HAUS6: variants seen among roughly 807,000 people sequenced by gnomAD.
HAUS6 encodes the protein HAUS augmin like complex subunit 6.
HAUS6 carries 80 observed loss-of-function variants against 106.8 expected under a neutral mutation model. The ratio of observed to expected loss-of-function variants is 0.75; its 90% CI spans 0.63 to 0.90. The LOEUF (loss-of-function observed/expected upper bound fraction) is 0.90, where lower values mean the gene tolerates loss of function less well. Ranked by LOEUF, HAUS6 falls within the 40% of genes least tolerant of loss-of-function variation. HAUS6 has a pLI of 0.00. For synonymous variants in HAUS6, 356 were observed against 379.1 expected (o/e 0.94, Z 0.71); for missense variants, 1,155 against 1,118.1 (o/e 1.03, Z -0.47).
rs1349806933 is a variant in HAUS6 at position 19,060,169 on chromosome 9, T to G, written c.1684A>C (p.Lys562Gln). 1 of 1,595,364 alleles carries G rather than the reference T, an allele frequency of 6.3e-7. No homozygotes were observed. The highest frequency in any genetic ancestry group is 1.8e-5 in the Admixed American group (1 of 56,886). Residue 562 changes from lysine (K) to glutamine (Q), a missense_variant, in exon 15 of 17, where the codon AAA becomes CAA. Physicochemically the swap from Lys to Gln is moderately conservative, Grantham distance 53. Around this residue, in one of 3 missense-constraint regions of HAUS6, gnomAD observed 761 missense variants for 690.0 expected, o/e 1.10. Transcript: ENST00000380502. ...AGAGAGTCAATTAGTTCCTCTAATT[T>G]TATTTCTTTTCCTTCAGAGAGCTGT... ...SPQLSEGKEI[K>Q]LEELIDSLGS...
At chr9:19,086,687 C>A in intron 7 of HAUS6, 47 bp downstream of exon 7, 1 of 830,322 alleles carries the variant, frequency 1.2e-6, no homozygotes, top group Non-Finnish European at 2.0e-6. Flanking sequence ...CACTGCGTAT[C>A]ACAGAATTTT....
At position 19,089,348 on chromosome 9, in the gene HAUS6, AT is replaced by A. The variant is rs1443888807; in HGVS notation, c.584+63del. 3.9e-6 allele frequency: 4 copies of A among 1,032,400 alleles called. No individual in the cohort carries two copies. In the African/African-American group the frequency reaches 6.3e-5, roughly 16 times the overall value. The allele number at this position is 1,032,400 out of a possible 1,614,324, so 64.0% of individuals were successfully genotyped here. ...GTAGGCATGGATTATTTCTCCTGAC[AT>A]TATATTGGTGACATCTGTTCAAAAG... On this transcript the variant is annotated intron_variant, in intron 5 of 16. Coordinates refer to ENST00000380502, the MANE Select transcript of HAUS6 (RefSeq NM_017645.5).
Position 19,076,214 on chromosome 9 carries a change from A to C in HAUS6, c.1294+388T>G, listed in dbSNP as rs917906413. On this transcript the variant is annotated intron_variant, in intron 11 of 16. Transcript: ENST00000380502. Reference sequence around the variant, plus strand: ...ATTTCTACAAAAAAAAAAAAATATAAAAATTAGACGGGTGTGGTGTCCCAG... The same window carrying C: ...ATTTCTACAAAAAAAAAAAAATATACAAATTAGACGGGTGTGGTGTCCCAG... Among the ~76,000 whole-genome samples the C allele has an allele frequency of 3.3e-5, 5 of 151,682 alleles. No individual in the cohort carries two copies. The South Asian group carries it at 1.0e-3, about 32-fold the overall frequency.
rs567979998 is a variant in HAUS6, at chr9:19,057,774, CTATA to C, written c.2806+183_2806+186del. On this transcript the variant is annotated intron_variant, in intron 16 of 16. Coordinates refer to ENST00000380502, the MANE Select transcript of HAUS6 (RefSeq NM_017645.5). The stretch of plus-strand genomic sequence containing the variant: ...CACCCCTGTCTCAAATCAATTGTAA[CTATA>C]TATACATAAACAGAGATTCTGAAAG... The C allele has an allele frequency of 4.0e-5, 19 of 475,448 alleles. No homozygotes were observed. In the South Asian group the frequency reaches 9.6e-4, roughly 24 times the overall value. The allele number at this position is 475,448 out of a possible 1,614,324, so 29.5% of individuals were successfully genotyped here.
At position 19,102,812 on chromosome 9, in the gene HAUS6, C is replaced by G; in HGVS notation, c.-161G>C. On this transcript the variant is annotated 5_prime_UTR_variant, in exon 1 of 17. Transcript: ENST00000380502. ...CCAGAGCGATTTCGCCTCAAAGGGC[C>G]TCACAACCTCCGGGAAATTGAGTTT... 1 of 626,294 alleles carries G rather than the reference C, an allele frequency of 1.6e-6. No homozygotes were observed. The highest frequency in any genetic ancestry group is 2.7e-6 in the Non-Finnish European group (1 of 373,926). 38.8% of individuals were successfully genotyped at this position (626,294 alleles called of 1,614,324 possible).
rs1228556186 is a variant in HAUS6, at chr9:19,089,420, T to C, written c.576A>G (p.Glu192=). The change falls in exon 5 of 17, where the codon GAA becomes GAG. Residue 192 remains glutamate (E), a synonymous_variant. Coordinates refer to ENST00000380502, the MANE Select transcript of HAUS6 (RefSeq NM_017645.5). ...ATCAAGGTACTACTTACTGTGCATT[T>C]TCCTGATATTTTTGGGTAACACAAT... The part of the protein sequence containing the change: ...RQDCVTQKYQ[E]NAQLSVKQVR... 6.2e-7 allele frequency: 1 copy of C among 1,604,548 alleles called. No homozygotes were observed. The highest frequency in any genetic ancestry group is 1.1e-5 in the South Asian group (1 of 90,856).
chr9:19,095,735 C>A (rs1817847664), intron 2 of HAUS6, among the ~76,000 whole-genome samples: 2 of 152,034 alleles, frequency 1.3e-5, no homozygotes, highest in South Asian at 4.1e-4. Flanking sequence ...ATATAAATAT[C>A]AAAATAAATT....
At chr9:19,064,367 T>C (rs1042013080) in intron 12 of HAUS6, among the ~76,000 whole-genome samples, 1 of 152,234 alleles carries the variant, frequency 6.6e-6, no homozygotes, top group African/African-American at 2.4e-5. Flanking sequence ...AGTTTCACAG[T>C]AATGTCATAA....
chr9:19,098,436 CA>C (rs11351792), intron 1 of HAUS6, among the ~76,000 whole-genome samples: 35,811 of 123,216 alleles, frequency 0.29, 5,906 homozygotes, highest in African/African-American at 0.53. Flanking sequence ...GACTTCGTCT[CA>C]AAAAAAAAAA....
intron 12 of HAUS6, among the ~76,000 whole-genome samples, chr9:19,069,455 A>G (rs1836839622): frequency 6.6e-6 from 1 of 151,740 alleles, no homozygotes; most frequent in Non-Finnish European, 1.5e-5. Context: ...TTGGGAGGCC[A>G]AGGCGGGTAG....
At chr9:19,067,957 G>C (rs767264949) in intron 12 of HAUS6, among the ~76,000 whole-genome samples, 13 of 151,748 alleles carry the variant, frequency 8.6e-5, no homozygotes, top group Non-Finnish European at 1.5e-4. Context: ...GCCTCCTAAA[G>C]TGCTGGGATT....
At chr9:19,099,802 C>A (rs1446148639) in intron 1 of HAUS6, among the ~76,000 whole-genome samples, 3 of 152,178 alleles carry the variant, frequency 2.0e-5, no homozygotes, top group Non-Finnish European at 2.9e-5. Flanking sequence ...GTAATCCCAG[C>A]ACTTTGGGAG....
chr9:19,100,189 A>G (rs911149266), intron 1 of HAUS6, among the ~76,000 whole-genome samples: 2 of 151,774 alleles, frequency 1.3e-5, no homozygotes, highest in African/African-American at 2.4e-5. Context: ...GCAAGACTCC[A>G]TCTCAAAAAA....
intron 1 of HAUS6, among the ~76,000 whole-genome samples, chr9:19,098,490 C>G (rs925192465): frequency 6.6e-6 from 1 of 151,482 alleles, no homozygotes; most frequent in African/African-American, 2.4e-5. Context: ...ATTCTCTTCA[C>G]CACTGTATAG....
chr9:19,087,200 T>C (rs754512094), intron 5 of HAUS6, 44 bp from the exon 6 acceptor site: 2 of 1,010,692 alleles, frequency 2.0e-6, no homozygotes, highest in East Asian at 4.7e-5. Context: ...ACCATTACGA[T>C]TAATTAGTAT....
chr9:19,062,353 G>T (rs963019840), intron 14 of HAUS6, among the ~76,000 whole-genome samples: 1 of 152,176 alleles, frequency 6.6e-6, no homozygotes, highest in African/African-American at 2.4e-5. Flanking sequence ...ACTGACAAAA[G>T]TATTTTAATA....
At chr9:19,078,824 A>G (rs1343456185) in intron 9 of HAUS6, among the ~76,000 whole-genome samples, 1 of 143,910 alleles carries the variant, frequency 6.9e-6, no homozygotes, top group Non-Finnish European at 1.5e-5. Flanking sequence ...TAAATAAATA[A>G]ATAATTTTAA....
At chr9:19,095,160 G>T (rs1817835470) in intron 2 of HAUS6, among the ~76,000 whole-genome samples, 1 of 150,910 alleles carries the variant, frequency 6.6e-6, no homozygotes, top group Admixed American at 6.7e-5. Context: ...CATAACTGTG[G>T]GTGCTATTAT....
intron 4 of HAUS6, among the ~76,000 whole-genome samples, chr9:19,092,649 C>T (rs71508775): frequency 0.081 from 11,030 of 135,494 alleles, 485 homozygotes; most frequent in Middle Eastern, 0.11. Context: ...AAAAGCCAGG[C>T]GCATTGGCTC....
Sources: gnomAD v4.1 joint callset for allele counts (sites outside exome capture counted in the v4.1 genomes callset) on GRCh38, gnomAD v4.1.1 for gene constraint, gnomAD v4.1.1 regional missense constraint, MANE v1.5 for transcripts, NCBI Gene and HGNC (gene_info 2026-07-23, HGNC 2026-07-21) for gene names.